COLGALT2: variants seen among roughly 807,000 people sequenced by gnomAD.
COLGALT2 encodes the protein procollagen galactosyltransferase 2.
Under a neutral mutation model 73.4 loss-of-function variants are expected in COLGALT2, and 49 were observed. That is an observed-to-expected ratio of 0.67 (90% CI 0.53 to 0.85). The LOEUF (loss-of-function observed/expected upper bound fraction) is 0.85. Ranked by LOEUF, COLGALT2 falls within the 40% of genes least tolerant of loss-of-function variation. The pLI, the probability that COLGALT2 is intolerant of heterozygous loss-of-function variation, is 0.00. For synonymous variants in COLGALT2, 295 were observed against 307.6 expected (o/e 0.96, Z 0.43); for missense variants, 722 against 790.2 (o/e 0.91, Z 1.03).
At chr1:183,957,635 C>A (rs1670587905) in intron 6 of COLGALT2, among the ~76,000 whole-genome samples, 1 of 152,130 alleles carries the variant, frequency 6.6e-6, no homozygotes, top group Non-Finnish European at 1.5e-5. Flanking sequence ...ATTAATCATG[C>A]TCACTGTTGT....
At chr1:183,939,292 T>C (rs1359655344) in intron 11 of COLGALT2, among the ~76,000 whole-genome samples, 1 of 152,254 alleles carries the variant, frequency 6.6e-6, no homozygotes, top group Non-Finnish European at 1.5e-5. Flanking sequence ...ATTTCAGGTC[T>C]GACTCCAAAA....
In COLGALT2 at chr1:184,023,355, G is replaced by A. The variant is rs139543885; in HGVS notation, c.263+13740C>T. On this transcript the variant is annotated intron_variant, in intron 1 of 11. Transcript: ENST00000361927. Reference sequence around the variant, plus strand: ...GGCACTCATGCTTTTGGCCTCTGAAGGCATTGCCAATGTTTAGTATTTCTA... The same window carrying A: ...GGCACTCATGCTTTTGGCCTCTGAAAGCATTGCCAATGTTTAGTATTTCTA... Among the ~76,000 whole-genome samples the A allele has an allele frequency of 6.6e-3, 1,012 of 152,252 alleles. 14 individuals are homozygous for A. Among genetic ancestry groups the A allele is most frequent in the African/African-American group, 0.021 (871 of 41,568 alleles).
chr1:183,983,940 T>A (rs1468857792), intron 1 of COLGALT2, among the ~76,000 whole-genome samples: 1 of 152,240 alleles, frequency 6.6e-6, no homozygotes, highest in East Asian at 1.9e-4. Flanking sequence ...CAGTCAGTAA[T>A]CAAACTGGAA....
At chr1:183,972,761 G>A (rs185298151) in intron 4 of COLGALT2, among the ~76,000 whole-genome samples, 49 of 151,472 alleles carry the variant, frequency 3.2e-4, no homozygotes, top group African/African-American at 1.1e-3. Flanking sequence ...GCGCAGTGGC[G>A]CGACCTCGGC....
chr1:183,974,964 T>C, intron 3 of COLGALT2, 133 bp downstream of exon 3: 2 of 638,554 alleles, frequency 3.1e-6, no homozygotes, highest in Non-Finnish European at 5.5e-6. Context: ...CATTGTGCCT[T>C]TCTTAAAAAG....
intron 5 of COLGALT2, 141 bp downstream of exon 5, chr1:183,969,128 G>C (rs956540876): frequency 3.1e-6 from 2 of 649,386 alleles, no homozygotes; most frequent in African/African-American, 1.9e-5. Flanking sequence ...AGAGGGTGCT[G>C]GTATGGTTAT....
At position 184,006,110 on chromosome 1, in the gene COLGALT2, C is replaced by A. The variant is rs532852017; in HGVS notation, c.264-27590G>T. On this transcript the variant is annotated intron_variant, in intron 1 of 11. Coordinates refer to ENST00000361927, the MANE Select transcript of COLGALT2 (RefSeq NM_015101.4). ...TACTATATGTACAGTTTTCTATGCTCTAGGGAGCACTTGTTCATATAATTT... is the reference window on the plus strand; with the variant it reads ...TACTATATGTACAGTTTTCTATGCTATAGGGAGCACTTGTTCATATAATTT... 1.4e-4 allele frequency among the ~76,000 whole-genome samples: 21 copies of A among 152,322 alleles called. No homozygotes were observed. In the South Asian group the frequency reaches 2.9e-3, roughly 21 times the overall value.
chr1:183,940,820 C>A, intron 10 of COLGALT2, 33 bp from the exon 11 acceptor site: 2 of 1,566,248 alleles, frequency 1.3e-6, no homozygotes, highest in Non-Finnish European at 1.8e-6. Context: ...AAAAATTCCA[C>A]CTTGACTATT....
At chr1:183,946,722 A>T (rs1282977254) in intron 8 of COLGALT2, 1 of 152,206 alleles carries the variant, frequency 6.6e-6, no homozygotes. Context: ...AAGGAAGGAC[A>T]TTTTTTAATG....
At chr1:183,976,399 A>C (rs1671191572) in intron 2 of COLGALT2, among the ~76,000 whole-genome samples, 1 of 149,364 alleles carries the variant, frequency 6.7e-6, no homozygotes, top group Non-Finnish European at 1.5e-5. Context: ...TATTTATAAT[A>C]ATTCTTACAT....
rs188239645 is a variant in COLGALT2, at chr1:184,028,786, C to G, written c.263+8309G>C. Among the ~76,000 whole-genome samples, 95 of 152,268 alleles carry G rather than the reference C, an allele frequency of 6.2e-4. 1 individual carries two copies. Among genetic ancestry groups the G allele is most frequent in the Non-Finnish European group, 1.0e-3 (68 of 68,018 alleles). Reference sequence around the variant, plus strand: ...TGTTATTATTTGTGTTTCTGAAAGACATATCTTCTAAGATGTCTTCAAACA... The same window carrying G: ...TGTTATTATTTGTGTTTCTGAAAGAGATATCTTCTAAGATGTCTTCAAACA... On this transcript the variant is annotated intron_variant, in intron 1 of 11. Transcript: ENST00000361927.
chr1:183,966,948 C>T (rs548311067), intron 5 of COLGALT2, among the ~76,000 whole-genome samples: 1 of 152,250 alleles, frequency 6.6e-6, no homozygotes, highest in Admixed American at 6.5e-5. Flanking sequence ...GTTGGATGGT[C>T]CTGCCTGGGA....
At chr1:183,977,812 A>AAGAG (rs59481089) in intron 2 of COLGALT2, among the ~76,000 whole-genome samples, 1,404 of 52,424 alleles carry the variant, frequency 0.027, 38 homozygotes, top group African/African-American at 0.05. Flanking sequence ...GAAAGAGAGA[A>AAGAG]AGAGAGAGAG....
In COLGALT2 at chr1:183,936,333, G is replaced by A; in HGVS notation, c.*2428C>T. 2.0e-6 allele frequency: 2 copies of A among 977,486 alleles called. No individual in the cohort carries two copies. Among genetic ancestry groups the A allele is most frequent in the Non-Finnish European group, 2.4e-6 (2 of 825,494 alleles). 60.6% of individuals were successfully genotyped at this position (977,486 alleles called of 1,614,324 possible). Reference sequence around the variant, plus strand: ...CTTTAAAAAAAAAGTCACATCTGCGGCTCACAGTGTTCACCAGAAAAGAAC... The same window carrying A: ...CTTTAAAAAAAAAGTCACATCTGCGACTCACAGTGTTCACCAGAAAAGAAC... On this transcript the variant is annotated 3_prime_UTR_variant, in exon 12 of 12. Transcript: ENST00000361927.
intron 1 of COLGALT2, among the ~76,000 whole-genome samples, chr1:184,032,144 T>C (rs901200178): frequency 6.6e-6 from 1 of 152,016 alleles, no homozygotes; most frequent in African/African-American, 2.4e-5. Context: ...TCTGCCCACC[T>C]CGGCCCCCCA....
At chr1:183,963,668 T>C (rs546421481) in intron 6 of COLGALT2, among the ~76,000 whole-genome samples, 1 of 152,344 alleles carries the variant, frequency 6.6e-6, no homozygotes, top group African/African-American at 2.4e-5. Context: ...AAGTATTTAC[T>C]TGTGTACCCA....
intron 1 of COLGALT2, among the ~76,000 whole-genome samples, chr1:184,007,750 A>C (rs371453463): frequency 1.3e-5 from 2 of 152,184 alleles, no homozygotes; most frequent in East Asian, 3.8e-4. Context: ...CATGGCCCCC[A>C]GGGTCCTCAA....
intron 1 of COLGALT2, among the ~76,000 whole-genome samples, chr1:184,017,720 T>TG (rs1649049643): frequency 6.6e-6 from 1 of 152,228 alleles, no homozygotes; most frequent in Admixed American, 6.5e-5. Context: ...TACATTGTGA[T>TG]GGGCCCCTGG....
rs146929211 is a variant in COLGALT2, at chr1:184,025,470, G to A, written c.263+11625C>T. ...GCAACACACCAAAACACATACTGTAGGAAGGAATCCTGAGCTGGCCAGAGC... is the reference window on the plus strand; with the variant it reads ...GCAACACACCAAAACACATACTGTAAGAAGGAATCCTGAGCTGGCCAGAGC... On this transcript the variant is annotated intron_variant, in intron 1 of 11. Transcript: ENST00000361927. Among the ~76,000 whole-genome samples, 274 of 152,292 alleles carry A rather than the reference G, an allele frequency of 1.8e-3. 1 individual carries two copies. Among genetic ancestry groups the A allele is most frequent in the Non-Finnish European group, 3.0e-3 (201 of 68,008 alleles).
Sources: allele counts gnomAD v4.1 joint callset (sites outside exome capture counted in the v4.1 genomes callset), GRCh38; gene constraint gnomAD v4.1.1; transcripts MANE v1.5; gene names NCBI Gene and HGNC (gene_info 2026-07-23, HGNC 2026-07-21).